Variants in GRIP1 observed in about 807,000 individuals in gnomAD.
The protein encoded by GRIP1 is glutamate receptor interacting protein 1.
In GRIP1, 45 loss-of-function variants were observed where a neutral mutation model predicts 129.9. The observed-to-expected ratio is 0.35, with a 90% CI of 0.27 to 0.44. GRIP1 has a LOEUF of 0.44. GRIP1 is among the 20% of genes least tolerant of loss of function. GRIP1 has a pLI of 1.00. For missense variants in GRIP1, 1,196 were observed against 1,396.8 expected (o/e 0.86, Z 2.29); for synonymous variants, 530 against 520.8 (o/e 1.02, Z -0.24).
chr12:66,696,993 T>C (rs2035188818), intron 1 of GRIP1, among the ~76,000 whole-genome samples: 1 of 152,178 alleles, frequency 6.6e-6, no homozygotes, highest in Non-Finnish European at 1.5e-5. Context: ...CTGGGTTCTG[T>C]AAAGCACAAA....
At chr12:66,581,051 A>G (rs2139610570) in intron 2 of GRIP1, among the ~76,000 whole-genome samples, 1 of 152,280 alleles carries the variant, frequency 6.6e-6, no homozygotes, top group Non-Finnish European at 1.5e-5. Context: ...AAATTATAAC[A>G]AACTGTCAGA....
intron 7 of GRIP1, among the ~76,000 whole-genome samples, chr12:66,467,159 A>G (rs2059308858): frequency 6.6e-6 from 1 of 152,164 alleles, no homozygotes; most frequent in African/African-American, 2.4e-5. Context: ...CTTCCTGTCA[A>G]TTCCAGAGCA....
rs2060897355 is a variant in GRIP1 at position 66,518,037 on chromosome 12, A to T, written c.503-61T>A. On this transcript the variant is annotated intron_variant, in intron 5 of 24. Coordinates refer to ENST00000359742, the MANE Select transcript of GRIP1 (RefSeq NM_001366722.1). Reference sequence around the variant, plus strand: ...TCATTGTTGGCATTTAAAAAAAATCACCTACAAGATATCAGCTGAGAAATG... The same window carrying T: ...TCATTGTTGGCATTTAAAAAAAATCTCCTACAAGATATCAGCTGAGAAATG... 3.3e-6 allele frequency: 3 copies of T among 920,110 alleles called. No individual in the cohort carries two copies. The Admixed American group carries it at 5.1e-5, about 16-fold the overall frequency. The allele number at this position is 920,110 out of a possible 1,614,324, so 57.0% of individuals were successfully genotyped here. A position where few individuals can be genotyped will look rare whatever the true frequency, so the allele number is the denominator to read the frequency against.
rs541113541 is a variant in GRIP1 at position 66,656,660 on chromosome 12, CAT to C, written c.55+22188_55+22189del. Among the ~76,000 whole-genome samples, 426 of 152,258 alleles carry C rather than the reference CAT, an allele frequency of 2.8e-3. 3 individuals carry two copies. Among genetic ancestry groups the C allele is most frequent in the African/African-American group, 9.8e-3 (409 of 41,544 alleles). ...GTGCTTCATGCAAAACTGGAAATAA[CAT>C]ATTTCTTTGCAAAAGTAAAGGCTGT... On this transcript the variant is annotated intron_variant, in intron 1 of 24. Transcript: ENST00000359742.
chr12:67,041,405 GAA>G (rs1479251782), intron 1 of GRIP1, among the ~76,000 whole-genome samples: 2 of 152,152 alleles, frequency 1.3e-5, no homozygotes, highest in African/African-American at 2.4e-5. Context: ...GAGAGAGAGA[GAA>G]GAGAGAGAGA....
intron 2 of GRIP1, 59 bp from the exon 3 acceptor site, chr12:66,542,009 C>A: frequency 6.7e-7 from 1 of 1,484,346 alleles, no homozygotes; most frequent in East Asian, 2.3e-5. Context: ...AATGTCATTT[C>A]TCCTCCCCAG....
intron 17 of GRIP1, 89 bp downstream of exon 17, chr12:66,394,119 C>A: frequency 8.0e-7 from 1 of 1,250,274 alleles, no homozygotes; most frequent in Non-Finnish European, 1.2e-6. Flanking sequence ...AACAGATAAC[C>A]ACAGAGAGAG....
In GRIP1 at chr12:66,859,265, AAAC is replaced by A. The variant is rs1161947616; in HGVS notation, c.58+209782_58+209784del. On this transcript the variant is annotated intron_variant, in intron 1 of 1. Coordinates refer to the GRIP1 transcript ENST00000643019. Reference sequence around the variant, plus strand: ...CATATTCTCCACATTTTCTGAAAAAAAACAAAAAAACAAAAAAACAAAAAAACA... The same window carrying A: ...CATATTCTCCACATTTTCTGAAAAAAAAAAAAACAAAAAAACAAAAAAACA... Among the ~76,000 whole-genome samples, 16 of 12,400 alleles carry A rather than the reference AAAC, an allele frequency of 1.3e-3. 1 individual carries two copies. Among genetic ancestry groups the A allele is most frequent in the South Asian group, 0.056 (1 of 18 alleles). The allele number at this position is 12,400 out of a possible 152,430, so 8.1% of individuals were successfully genotyped here.
At chr12:66,846,949 A>G (rs912923836) in intron 1 of GRIP1, among the ~76,000 whole-genome samples, 7 of 152,164 alleles carry the variant, frequency 4.6e-5, no homozygotes, top group Non-Finnish European at 8.8e-5. Flanking sequence ...ACTCTGGAGC[A>G]TAGTGGCTTC....
intron 1 of GRIP1, among the ~76,000 whole-genome samples, chr12:66,987,285 C>T (rs2042326633): frequency 6.6e-6 from 1 of 152,190 alleles, no homozygotes; most frequent in Middle Eastern, 3.2e-3. Context: ...CAGTGCCTGA[C>T]TGGTAGTGAA....
At chr12:66,525,195 C>T (rs778589717) in intron 5 of GRIP1, among the ~76,000 whole-genome samples, 7 of 152,172 alleles carry the variant, frequency 4.6e-5, no homozygotes, top group Non-Finnish European at 7.3e-5. Flanking sequence ...TTTGCATTAT[C>T]CTGATACCAA....
At chr12:66,396,586 A>G (rs2137557125) in intron 16 of GRIP1, among the ~76,000 whole-genome samples, 1 of 152,232 alleles carries the variant, frequency 6.6e-6, no homozygotes, top group East Asian at 1.9e-4. Flanking sequence ...ACATTTTTTT[A>G]TTGGCATCTG....
chr12:66,748,699 T>C (rs2037029889), intron 1 of GRIP1, among the ~76,000 whole-genome samples: 1 of 152,230 alleles, frequency 6.6e-6, no homozygotes, highest in African/African-American at 2.4e-5. Flanking sequence ...ATTCTACACA[T>C]GGTCTACGAT....
At chr12:66,866,611 A>G (rs61928292) in intron 1 of GRIP1, among the ~76,000 whole-genome samples, 10,632 of 152,290 alleles carry the variant, frequency 0.07, 471 homozygotes, top group East Asian at 0.11. Flanking sequence ...CAAGTAACTT[A>G]GAGTGTAATT....
At chr12:66,355,947 C>A (rs1006224431) in intron 23 of GRIP1, among the ~76,000 whole-genome samples, 1 of 152,136 alleles carries the variant, frequency 6.6e-6, no homozygotes, top group Non-Finnish European at 1.5e-5. Context: ...TTCTGGAGTT[C>A]CAGCCATCCC....
chr12:66,427,852 A>G (rs1370360485), intron 14 of GRIP1, among the ~76,000 whole-genome samples: 1 of 152,218 alleles, frequency 6.6e-6, no homozygotes, highest in Admixed American at 6.5e-5. Flanking sequence ...GCAAATCAAA[A>G]AAAATTCTCT....
At chr12:66,397,306 G>A (rs772070315) in intron 16 of GRIP1, among the ~76,000 whole-genome samples, 4 of 151,758 alleles carry the variant, frequency 2.6e-5, no homozygotes, top group Non-Finnish European at 4.4e-5. Flanking sequence ...TAGGTCAGGA[G>A]TTTGAGATCA....
chr12:66,758,726 A>G (rs2037378264), intron 1 of GRIP1, among the ~76,000 whole-genome samples: 1 of 152,194 alleles, frequency 6.6e-6, no homozygotes, highest in Non-Finnish European at 1.5e-5. Context: ...AATTGGCCCA[A>G]ACAAAGGGGA....
chr12:66,562,913 TC>T (rs1202179303), intron 2 of GRIP1, among the ~76,000 whole-genome samples: 1 of 151,788 alleles, frequency 6.6e-6, no homozygotes, highest in Non-Finnish European at 1.5e-5. Flanking sequence ...GTTAAGAAAA[TC>T]ATAAGGAAGA....
Sources: allele counts gnomAD v4.1 joint callset (sites outside exome capture counted in the v4.1 genomes callset), GRCh38; gene constraint gnomAD v4.1.1; transcripts MANE v1.5; gene names NCBI Gene and HGNC (gene_info 2026-07-23, HGNC 2026-07-21).